CCDC28A: variants seen among roughly 807,000 people sequenced by gnomAD.
The protein encoded by CCDC28A is coiled-coil domain containing 28A.
In CCDC28A, 24 loss-of-function variants were observed where a neutral mutation model predicts 22.1. The ratio of observed to expected loss-of-function variants is 1.09; its 90% CI spans 0.79 to 1.53. The LOEUF is 1.53. Ranked by LOEUF, CCDC28A falls within the 40% of genes most tolerant of loss-of-function variation. CCDC28A has a pLI of 0.00. For synonymous variants in CCDC28A, 83 were observed against 74.7 expected, an observed-to-expected ratio of 1.11 and a Z score of -0.57; for missense variants, 170 against 210.7, an observed-to-expected ratio of 0.81 and a Z score of 1.20.
chr6:138,781,697 A>G (rs550410199), intron 3 of CCDC28A, among the ~76,000 whole-genome samples: 2 of 151,734 alleles, frequency 1.3e-5, no homozygotes, highest in African/African-American at 2.4e-5. Context: ...CCTTTTCAGG[A>G]CCTTTTGTCA....
chr6:138,792,087 G>C lies in CCDC28A; in HGVS notation c.501-662G>C, dbSNP rs1483280289. Among the ~76,000 whole-genome samples the C allele has an allele frequency of 2.6e-5, 4 of 152,178 alleles. No individual in the cohort carries two copies. The South Asian group carries it at 8.3e-4, about 32-fold the overall frequency. ...GAATTATAGAAAAGATTTTAGAGCT[G>C]TAATGATTTTATTTTTGGACTTTTA... On this transcript the variant is annotated intron_variant, in intron 5 of 5. Transcript: ENST00000617445.
At chr6:138,791,373 C>T (rs7768710) in intron 5 of CCDC28A, among the ~76,000 whole-genome samples, 3,398 of 152,236 alleles carry the variant, frequency 0.022, 108 homozygotes, top group African/African-American at 0.072. Context: ...TGAGTCACCA[C>T]GCCCAGCCTG....
intron 4 of CCDC28A, among the ~76,000 whole-genome samples, chr6:138,788,103 C>T (rs1344593242): frequency 3.3e-5 from 5 of 151,158 alleles, no homozygotes; most frequent in East Asian, 2.0e-4. Context: ...CTGGACCTCA[C>T]GTGTGCGTCA....
At position 138,781,223 on chromosome 6, in the gene CCDC28A, T is replaced by C. The variant is rs1775016530; in HGVS notation, c.322+1238T>C. ...GAATATCTGATGGAAATCTCTCTAA[T>C]GCACCTAGGATTGCTCTAGTTCATT... is the stretch of plus-strand genomic sequence containing the variant. On this transcript the variant is annotated intron_variant, in intron 3 of 5. Coordinates refer to ENST00000617445, the MANE Select transcript of CCDC28A (RefSeq NM_015439.3). Among the ~76,000 whole-genome samples the C allele has an allele frequency of 2.6e-5, 4 of 152,258 alleles. No individual in the cohort carries two copies. The South Asian group carries it at 8.3e-4, about 32-fold the overall frequency.
In CCDC28A at chr6:138,774,092, T is replaced by G. The variant is rs1774887496; in HGVS notation, c.-43+190T>G. Among the ~76,000 whole-genome samples the G allele has an allele frequency of 2.0e-5, 3 of 152,150 alleles. No individual in the cohort carries two copies. The South Asian group carries it at 6.2e-4, about 31-fold the overall frequency. ...CAAGACCTGGCACTTAAAACCACTG[T>G]GTGAATAAGTAACTATGAGCAGTTT... On this transcript the variant is annotated intron_variant, in intron 1 of 5. Coordinates refer to ENST00000617445, the MANE Select transcript of CCDC28A (RefSeq NM_015439.3).
At chr6:138,779,514 G>T (rs1490051732) in intron 2 of CCDC28A, among the ~76,000 whole-genome samples, 1 of 152,190 alleles carries the variant, frequency 6.6e-6, no homozygotes, top group East Asian at 1.9e-4. Context: ...ACTGAGAAAT[G>T]AAATGTAAAG....
chr6:138,780,772 C>T (rs147672509), intron 3 of CCDC28A, among the ~76,000 whole-genome samples: 4,565 of 151,994 alleles, frequency 0.03, 111 homozygotes, highest in Non-Finnish European at 0.041. Flanking sequence ...GGAGTTTCAC[C>T]GTGTTAGCCA....
At chr6:138,775,181 C>T (rs1434479262) in intron 1 of CCDC28A, among the ~76,000 whole-genome samples, 2 of 152,200 alleles carry the variant, frequency 1.3e-5, no homozygotes, top group Non-Finnish European at 2.9e-5. Context: ...CCTCGTGATC[C>T]GCCCGCCTTG....
At chr6:138,778,576 A>G (rs1213038890) in intron 2 of CCDC28A, among the ~76,000 whole-genome samples, 1 of 152,206 alleles carries the variant, frequency 6.6e-6, no homozygotes, top group Non-Finnish European at 1.5e-5. Context: ...AGACTTGAAG[A>G]TGTGTGGGAG....
chr6:138,792,258 G>C (rs1018484603), intron 5 of CCDC28A, among the ~76,000 whole-genome samples: 4 of 152,136 alleles, frequency 2.6e-5, no homozygotes, highest in African/African-American at 9.7e-5. Context: ...GCCAGGTGTG[G>C]TGGCTCGCAC....
Position 138,792,962 on chromosome 6 carries a change from A to G in CCDC28A, c.*159A>G. On this transcript the variant is annotated 3_prime_UTR_variant, in exon 6 of 6. Coordinates refer to ENST00000617445, the MANE Select transcript of CCDC28A (RefSeq NM_015439.3). ...TCACTTACTGCTTTTAGTAAATGTG[A>G]CTCGCTGTAATTCACCATAACTGGA... 1.6e-6 allele frequency: 1 copy of G among 610,016 alleles called. No homozygotes were observed. 37.8% of individuals were successfully genotyped at this position (610,016 alleles called of 1,614,324 possible).
intron 5 of CCDC28A, among the ~76,000 whole-genome samples, chr6:138,790,397 G>A (rs1775155291): frequency 6.6e-6 from 1 of 152,176 alleles, no homozygotes; most frequent in South Asian, 2.1e-4. Context: ...TGGTCTGCCC[G>A]CCTTGGCCTC....
At position 138,783,876 on chromosome 6, in the gene CCDC28A, C is replaced by CTTTT. The variant is rs577197452; in HGVS notation, c.323-1336_323-1333dup. 2.6e-4 allele frequency among the ~76,000 whole-genome samples: 32 copies of CTTTT among 125,432 alleles called. 1 individual carries two copies. The highest frequency in any genetic ancestry group is 6.5e-4 in the African/African-American group (21 of 32,286). 82.3% of individuals were successfully genotyped at this position (125,432 alleles called of 152,430 possible). On this transcript the variant is annotated intron_variant, in intron 3 of 5. Transcript: ENST00000617445. The stretch of plus-strand genomic sequence containing the variant: ...TGAGCCACCATGCCCAGCCAGAACT[C>CTTTT]TTTTTTTTTTTTTTTTTTGAGACAG...
Position 138,782,915 on chromosome 6 carries a change from T to G in CCDC28A, c.323-2312T>G, listed in dbSNP as rs909349496. On this transcript the variant is annotated intron_variant, in intron 3 of 5. Coordinates refer to ENST00000617445, the MANE Select transcript of CCDC28A (RefSeq NM_015439.3). Reference sequence around the variant, plus strand: ...AACTTTAGCTGAGGTATATTTTACCTGTATAGTACCTTTAGGAAAAACAGA... The same window carrying G: ...AACTTTAGCTGAGGTATATTTTACCGGTATAGTACCTTTAGGAAAAACAGA... Among the ~76,000 whole-genome samples the G allele has an allele frequency of 3.9e-5, 6 of 152,320 alleles. No individual in the cohort carries two copies. The East Asian group carries it at 1.2e-3, about 29-fold the overall frequency.
intron 2 of CCDC28A, among the ~76,000 whole-genome samples, chr6:138,778,894 A>G (rs1774977022): frequency 6.6e-6 from 1 of 151,976 alleles, no homozygotes; most frequent in Admixed American, 6.6e-5. Context: ...CAGCCTCCCA[A>G]GTAGCTGGGA....
At chr6:138,780,990 A>G (rs1775013151) in intron 3 of CCDC28A, among the ~76,000 whole-genome samples, 1 of 152,320 alleles carries the variant, frequency 6.6e-6, no homozygotes, top group East Asian at 1.9e-4. Context: ...ATGTCCACAT[A>G]CATATTGATT....
Position 138,793,192 on chromosome 6 carries a change from G to GCC in CCDC28A, c.*391_*392dup. On this transcript the variant is annotated 3_prime_UTR_variant, in exon 6 of 6. Coordinates refer to ENST00000617445, the MANE Select transcript of CCDC28A (RefSeq NM_015439.3). Reference sequence around the variant, plus strand: ...TTGATGCACAGGCGTCTTGTGGCAAGCCCAGCTTCAGTTTATGTTAGACAA... The same window carrying GCC: ...TTGATGCACAGGCGTCTTGTGGCAAGCCCCCAGCTTCAGTTTATGTTAGACAA... 5.2e-6 allele frequency: 1 copy of GCC among 192,692 alleles called. No homozygotes were observed. The allele number at this position is 192,692 out of a possible 1,614,324, so 11.9% of individuals were successfully genotyped here. A position where few individuals can be genotyped will look rare whatever the true frequency, so the allele number is the denominator to read the frequency against.
intron 1 of CCDC28A, among the ~76,000 whole-genome samples, chr6:138,774,708 G>A (rs373836747): frequency 2.6e-5 from 4 of 152,190 alleles, no homozygotes; most frequent in Non-Finnish European, 5.9e-5. Flanking sequence ...AAAATTTATT[G>A]AATTCATCAA....
intron 2 of CCDC28A, among the ~76,000 whole-genome samples, chr6:138,778,679 G>A (rs1327397230): frequency 6.6e-6 from 1 of 152,038 alleles, no homozygotes; most frequent in South Asian, 2.1e-4. Context: ...TCTAGGAAAC[G>A]AAAGAGATTC....
Sources: gnomAD v4.1 joint callset for allele counts (sites outside exome capture counted in the v4.1 genomes callset) on GRCh38, gnomAD v4.1.1 for gene constraint, MANE v1.5 for transcripts, NCBI Gene and HGNC (gene_info 2026-07-23, HGNC 2026-07-21) for gene names.